The following REST variants were observed in gnomAD, a reference collection of about 807,000 sequenced individuals.
REST encodes the protein RE1-silencing transcription factor.
Under a neutral mutation model 30.4 loss-of-function variants are expected in REST, and 1 was observed. The ratio of observed to expected loss-of-function variants is 0.03; its 90% CI spans 0.01 to 0.16. The LOEUF (loss-of-function observed/expected upper bound fraction) is 0.16, where lower values mean the gene tolerates loss of function less well. Ranked by LOEUF, REST falls within the 10% of genes least tolerant of loss-of-function variation. The probability of loss-of-function intolerance (pLI) is 1.00; values close to 1 mark genes in which losing one functional copy is unlikely to be tolerated. For missense variants in REST, 1,259 were observed against 1,329.5 expected (o/e 0.95, Z 0.82); for synonymous variants, 504 against 451.1 (o/e 1.12, Z -1.49).
At chr4:56,915,240 ATTT>A (rs1193678055) in intron 2 of REST, among the ~76,000 whole-genome samples, 4 of 55,518 alleles carry the variant, frequency 7.2e-5, no homozygotes, top group Middle Eastern at 0.028. Flanking sequence ...GTGTGTGTGT[ATTT>A]TTTTTTTTTT....
intron 1 of REST, 27 bp from the exon 2 acceptor site, chr4:56,910,603 T>C (rs770413431): frequency 8.0e-5 from 124 of 1,556,534 alleles, no homozygotes; most frequent in Non-Finnish European, 1.0e-4. Flanking sequence ...AAACTGGTGC[T>C]CTTGTTTTGT....
At chr4:56,928,512 C>T (rs1166532423) in intron 3 of REST, among the ~76,000 whole-genome samples, 4 of 151,852 alleles carry the variant, frequency 2.6e-5, no homozygotes, top group Non-Finnish European at 5.9e-5. Flanking sequence ...GATTCCTGGG[C>T]TTAAGTGGTC....
rs1411517454 is a variant in REST at position 56,930,730 on chromosome 4, G to T, written c.1872G>T (p.Gly624=). 6.2e-7 allele frequency: 1 copy of T among 1,602,638 alleles called. No homozygotes were observed. The highest frequency in any genetic ancestry group is 8.5e-7 in the Non-Finnish European group (1 of 1,176,986). ...CTCCCACAGAGGCGGTTCAGAAGGGGCCCGTTCAGGTGGAGCCGCCACCTC... is the reference window on the plus strand; with the variant it reads ...CTCCCACAGAGGCGGTTCAGAAGGGTCCCGTTCAGGTGGAGCCGCCACCTC... ...GPAPTEAVQK[G]PVQVEPPPPM... Residue 624 remains glycine, a synonymous_variant, in exon 4 of 4, where the codon GGG becomes GGT. Coordinates refer to ENST00000309042, the MANE Select transcript of REST (RefSeq NM_005612.5).
intron 3 of REST, among the ~76,000 whole-genome samples, chr4:56,924,395 T>C (rs1451544276): frequency 6.6e-6 from 1 of 152,220 alleles, no homozygotes; most frequent in Non-Finnish European, 1.5e-5. Flanking sequence ...ATATTTCTGC[T>C]CAGAAACACC....
chr4:56,919,849 A>C lies in REST; in HGVS notation c.961A>C (p.Arg321=), dbSNP rs762469953. 17 of 1,602,522 alleles carry C rather than the reference A, an allele frequency of 1.1e-5. No homozygotes were observed. Among genetic ancestry groups the C allele is most frequent in the Non-Finnish European group, 1.5e-5 (17 of 1,171,638 alleles). ...AAGTTCTCAGAAGACTCATCTAACT[A>C]GACATATGCGTACTCATTCAGGTTG... The part of the protein sequence containing the change: ...YSSSQKTHLT[R]HMRTHSGEKP... Residue 321 remains arginine, a synonymous_variant, in exon 3 of 4, where the codon AGA becomes CGA. Coordinates refer to ENST00000309042, the MANE Select transcript of REST (RefSeq NM_005612.5).
intron 2 of REST, among the ~76,000 whole-genome samples, chr4:56,919,556 G>A (rs1166508952): frequency 6.6e-6 from 1 of 152,202 alleles, no homozygotes; most frequent in South Asian, 2.1e-4. Context: ...GTGAGAATTC[G>A]GAAAGTCAAT....
At chr4:56,909,481 A>T (rs1326726056) in intron 1 of REST, 1 of 152,228 alleles carries the variant, frequency 6.6e-6, no homozygotes, top group Admixed American at 6.5e-5. Context: ...GGGAGCAATT[A>T]GAAAAGTCGA....
Position 56,932,192 on chromosome 4 carries a change from T to G in REST, c.*40T>G. The G allele has an allele frequency of 6.5e-7, 1 of 1,535,706 alleles. No homozygotes were observed. Among genetic ancestry groups the G allele is most frequent in the Non-Finnish European group, 8.8e-7 (1 of 1,142,646 alleles). ...AGGTTTCAGTTCTTAGTTTGTAAGGTATATTACATTTTATATTCATTTATG... is the reference window on the plus strand; with the variant it reads ...AGGTTTCAGTTCTTAGTTTGTAAGGGATATTACATTTTATATTCATTTATG... On this transcript the variant is annotated 3_prime_UTR_variant, in exon 4 of 4. Transcript: ENST00000309042.
chr4:56,928,249 G>A (rs1720799344), intron 3 of REST, among the ~76,000 whole-genome samples: 1 of 152,100 alleles, frequency 6.6e-6, no homozygotes, highest in South Asian at 2.1e-4. Flanking sequence ...TGGGATTACA[G>A]GCATCTGCCA....
At chr4:56,919,415 C>T (rs1355744610) in intron 2 of REST, among the ~76,000 whole-genome samples, 1 of 151,890 alleles carries the variant, frequency 6.6e-6, no homozygotes, top group Non-Finnish European at 1.5e-5. Context: ...TAGCATCAGA[C>T]AGTTCAGGTA....
At chr4:56,923,461 T>A (rs1720542387) in intron 3 of REST, among the ~76,000 whole-genome samples, 1 of 152,074 alleles carries the variant, frequency 6.6e-6, no homozygotes, top group African/African-American at 2.4e-5. Context: ...TATTATTATT[T>A]TTGAGACAGT....
intron 2 of REST, among the ~76,000 whole-genome samples, chr4:56,915,755 T>C (rs1720167674): frequency 6.6e-6 from 1 of 152,162 alleles, no homozygotes; most frequent in African/African-American, 2.4e-5. Flanking sequence ...TCCACTTGCA[T>C]TAGTAAGTAG....
At chr4:56,920,474 C>T (rs1720397254) in intron 3 of REST, among the ~76,000 whole-genome samples, 1 of 151,624 alleles carries the variant, frequency 6.6e-6, no homozygotes, top group Non-Finnish European at 1.5e-5. Context: ...CATAATTAGT[C>T]CCTGTTGGCC....
chr4:56,908,936 G>C (rs1487810135), intron 1 of REST: 1 of 151,530 alleles, frequency 6.6e-6, no homozygotes, highest in Non-Finnish European at 1.5e-5. Context: ...CCGACGCCTC[G>C]CGAGGGCGCC....
rs1016660291 is a variant in REST at position 56,934,082 on chromosome 4, G to GTA, written c.*1932_*1933dup. 18 of 152,326 alleles carry GTA rather than the reference G, an allele frequency of 1.2e-4. No homozygotes were observed. The highest frequency in any genetic ancestry group is 3.8e-4 in the African/African-American group (16 of 41,578). The allele number at this position is 152,326 out of a possible 1,614,324, so 9.4% of individuals were successfully genotyped here. A position where few individuals can be genotyped will look rare whatever the true frequency, so the allele number is the denominator to read the frequency against. On this transcript the variant is annotated 3_prime_UTR_variant, in exon 4 of 4. Transcript: ENST00000309042. ...ATGAGGAGTAAGTTGTGTGATAATG[G>GTA]TATGTGTTTTGTGTGCATGAATGGA...
chr4:56,925,113 C>T (rs192040933), intron 3 of REST, among the ~76,000 whole-genome samples: 23 of 146,870 alleles, frequency 1.6e-4, no homozygotes, highest in East Asian at 6.0e-4. Flanking sequence ...TGCAGTGAGC[C>T]GAGATTGCGC....
chr4:56,935,479 G>T lies in REST; in HGVS notation c.*3327G>T, dbSNP rs562787052. 35 of 152,148 alleles carry T rather than the reference G, an allele frequency of 2.3e-4. No individual in the cohort carries two copies. The highest frequency in any genetic ancestry group is 5.2e-4 in the Admixed American group (8 of 15,276). The allele number at this position is 152,148 out of a possible 1,614,324, so 9.4% of individuals were successfully genotyped here. On this transcript the variant is annotated 3_prime_UTR_variant, in exon 4 of 4. Coordinates refer to ENST00000309042, the MANE Select transcript of REST (RefSeq NM_005612.5). ...CACATGTGTACATAGGTTCCCTCCC[G>T]GTCCCTTCCATATCCATTAGTTATT...
chr4:56,917,358 T>C (rs1170942151), intron 2 of REST, among the ~76,000 whole-genome samples: 4 of 152,198 alleles, frequency 2.6e-5, no homozygotes, highest in Non-Finnish European at 5.9e-5. Flanking sequence ...AGGGTCTCGC[T>C]CTGTTGCCCT....
Position 56,931,731 on chromosome 4 carries a change from A to C in REST, c.2873A>C (p.Asn958Thr), listed in dbSNP as rs751959764. The change falls in exon 4 of 4, where the codon AAT becomes ACT. Residue 958 changes from asparagine (N) to threonine (T), a missense_variant. Transcript: ENST00000309042. ...GACACTGATCAGAACACAAGAGAGAATCTCACTGGTATAAATTCAACAGTT... is the reference window on the plus strand; with the variant it reads ...GACACTGATCAGAACACAAGAGAGACTCTCACTGGTATAAATTCAACAGTT... The part of the protein sequence containing the change: ...KMDTDQNTRE[N>T]LTGINSTVEE... The C allele has an allele frequency of 1.7e-5, 27 of 1,614,138 alleles. No homozygotes were observed. Among genetic ancestry groups the C allele is most frequent in the Admixed American group, 8.3e-5 (5 of 60,012 alleles).
Sources: allele counts gnomAD v4.1 joint callset (sites outside exome capture counted in the v4.1 genomes callset), GRCh38; gene constraint gnomAD v4.1.1; transcripts MANE v1.5; gene names NCBI Gene and HGNC (gene_info 2026-07-23, HGNC 2026-07-21).